The following NBEAL2 variants were observed in gnomAD, a reference collection of about 807,000 sequenced individuals.
NBEAL2 encodes the protein neurobeachin-like protein 2.
A neutral mutation model predicts 299.8 loss-of-function variants in NBEAL2; 160 were observed. The ratio of observed to expected loss-of-function variants is 0.53; its 90% CI spans 0.47 to 0.61. The LOEUF (loss-of-function observed/expected upper bound fraction) is 0.61, where lower values mean the gene tolerates loss of function less well. Ranked by LOEUF, NBEAL2 falls within the 20% of genes least tolerant of loss-of-function variation. NBEAL2 has a pLI of 0.00. For missense variants in NBEAL2, 3,112 were observed against 3,649.0 expected, an observed-to-expected ratio of 0.85 and a Z score of 3.79; for synonymous variants, 1,493 against 1,542.3, an observed-to-expected ratio of 0.97 and a Z score of 0.75.
At chr3:46,994,189 C>T (rs984550896) in intron 11 of NBEAL2, among the ~76,000 whole-genome samples, 169 bp downstream of exon 11, 7 of 152,182 alleles carry the variant, frequency 4.6e-5, no homozygotes, top group Non-Finnish European at 1.0e-4. Context: ...GGTGTGGTCG[C>T]CAGTCTGTCC....
Position 46,982,943 on chromosome 3 carries a change from C to T in NBEAL2, c.51+3031C>T, listed in dbSNP as rs1200058724. ...CTGACAGGCTGGCGGTTGGGCAGCC[C>T]ATAAAAGTTAATGCCACATAGCATG... On this transcript the variant is annotated intron_variant, in intron 1 of 53. Coordinates refer to ENST00000450053, the MANE Select transcript of NBEAL2 (RefSeq NM_015175.3). The surrounding 1 kb of genome is among the most constrained non-coding windows in gnomAD (Gnocchi z 4.2). Among the ~76,000 whole-genome samples, 2 of 152,082 alleles carry T rather than the reference C, an allele frequency of 1.3e-5. No individual in the cohort carries two copies. Among genetic ancestry groups the T allele is most frequent in the African/African-American group, 2.4e-5 (1 of 41,396 alleles).
rs1329635129 is a variant in NBEAL2 at position 46,992,510 on chromosome 3, C to G, written c.1068C>G (p.Asp356Glu). ...AGTCCCGGGCGCCCCCCGAGGGGGA[C>G]AGTGACCTGGCTACCCGGTTACTGA... ...YLQSRAPPEG[D>E]SDLATRLLTE... is the part of the protein sequence containing the mutation. The change falls in exon 10 of 54, where the codon GAC becomes GAG. Residue 356 changes from aspartate to glutamate, a missense_variant. Asp to Glu is a conservative substitution (Grantham distance 45). Coordinates refer to ENST00000450053, the MANE Select transcript of NBEAL2 (RefSeq NM_015175.3). The G allele has an allele frequency of 6.2e-7, 1 of 1,606,196 alleles. No individual in the cohort carries two copies. Among genetic ancestry groups the G allele is most frequent in the Non-Finnish European group, 8.5e-7 (1 of 1,176,836 alleles).
intron 53 of NBEAL2, 42 bp downstream of exon 53, chr3:47,009,166 G>A: frequency 7.1e-6 from 11 of 1,552,432 alleles, no homozygotes; most frequent in African/African-American, 1.4e-5. Context: ...CGAACGGGGC[G>A]GGGCGTGGCG....
chr3:47,004,633 C>T lies in NBEAL2; in HGVS notation c.6294+43C>T, dbSNP rs1431779930. ...CACCCCTCCACCCCTGCCCCTCTGA[C>T]CTGTCAGCCCTTGGTTCCCCCAAGT... is the stretch of plus-strand genomic sequence containing the variant. On this transcript the variant is annotated intron_variant, in intron 38 of 53. Coordinates refer to ENST00000450053, the MANE Select transcript of NBEAL2 (RefSeq NM_015175.3). The surrounding 1 kb of genome is among the most constrained non-coding windows in gnomAD (Gnocchi z 5.0). 1.9e-6 allele frequency: 3 copies of T among 1,580,070 alleles called. No homozygotes were observed. The highest frequency in any genetic ancestry group is 1.3e-5 in the African/African-American group (1 of 74,222).
intron 26 of NBEAL2, 86 bp downstream of exon 26, chr3:46,999,801 C>G (rs2036820833): frequency 1.3e-6 from 2 of 1,591,258 alleles, no homozygotes; most frequent in Non-Finnish European, 1.7e-6. Context: ...CATGAGGGGT[C>G]TCTGGAGCCC....
chr3:46,999,791 C>T lies in NBEAL2; in HGVS notation c.3789+76C>T, dbSNP rs998843581. On this transcript the variant is annotated intron_variant, in intron 26 of 53. Coordinates refer to ENST00000450053, the MANE Select transcript of NBEAL2 (RefSeq NM_015175.3). ...CTCTGGCCTTCCACCTTGCCTGTCT[C>T]ATGAGGGGTCTCTGGAGCCCTCCTC... 21 of 1,591,244 alleles carry T rather than the reference C, an allele frequency of 1.3e-5. No individual in the cohort carries two copies. The African/African-American group carries it at 2.6e-4, about 19-fold the overall frequency.
chr3:46,999,122 A>G lies in NBEAL2; in HGVS notation c.3543+5A>G. On this transcript the variant is annotated splice_donor_5th_base_variant and intron_variant, in intron 24 of 53. Transcript: ENST00000450053. The stretch of plus-strand genomic sequence containing the variant: ...CTGCCCGATCGAGTCTGCAAGGTAC[A>G]CCCAGCCCACCCCCTCCCCTGGCAT... 6.4e-7 allele frequency: 1 copy of G among 1,563,266 alleles called. No homozygotes were observed. Among genetic ancestry groups the G allele is most frequent in the Middle Eastern group, 1.7e-4 (1 of 5,784 alleles).
chr3:46,986,198 A>C (rs1467899881), intron 1 of NBEAL2, among the ~76,000 whole-genome samples: 1 of 152,152 alleles, frequency 6.6e-6, no homozygotes, highest in East Asian at 1.9e-4. Context: ...AGCTCAGCCC[A>C]ATCTGCTGAA....
chr3:47,007,830 C>T lies in NBEAL2; in HGVS notation c.7522C>T (p.Leu2508Phe). 6.2e-7 allele frequency: 1 copy of T among 1,613,508 alleles called. No individual in the cohort carries two copies. Residue 2508 changes from leucine (L) to phenylalanine (F), a missense_variant, in exon 49 of 54, where the codon CTT becomes TTT. Physicochemically the swap from Leu to Phe is conservative, Grantham distance 22 (BLOSUM62 0). Coordinates refer to ENST00000450053, the MANE Select transcript of NBEAL2 (RefSeq NM_015175.3). ...TTCCCATGCAGATGTAGTAACCTGC[C>T]TTGCACTGGACACCTGTGGCATCTA... Reference protein sequence around the residue: ...LSCHLDVVTCLALDTCGIYLI... With the variant: ...LSCHLDVVTCFALDTCGIYLI...
rs1456650570 is a variant in NBEAL2, at chr3:46,999,350, T to C, written c.3579T>C (p.Pro1193=). The part of the protein sequence containing the change: ...LRRLQQNERL[P]ERSRQRLRLR... ...GACTGCAGCAGAATGAGCGGCTACC[T>C]GAGCGGAGCCGCCAGCGCCTCCGGC... is the stretch of plus-strand genomic sequence containing the variant. Residue 1193 remains proline (P), a synonymous_variant, in exon 25 of 54, where the codon CCT becomes CCC. Coordinates refer to ENST00000450053, the MANE Select transcript of NBEAL2 (RefSeq NM_015175.3). The C allele has an allele frequency of 1.2e-6, 2 of 1,610,832 alleles. No individual in the cohort carries two copies. The highest frequency in any genetic ancestry group is 1.7e-6 in the Non-Finnish European group (2 of 1,179,282).
At position 46,994,492 on chromosome 3, in the gene NBEAL2, A is replaced by G; in HGVS notation, c.1235A>G (p.Gln412Arg). ...FKERIGYPHL[Q>R]EVLQSHGPPT... ...GAGCGCATCGGCTACCCTCACCTGC[A>G]GGAGGTTCTGCAGAGCCATGGTCCC... Residue 412 changes from glutamine to arginine, a missense_variant, in exon 12 of 54, where the codon CAG becomes CGG. Transcript: ENST00000450053. 6.3e-7 allele frequency: 1 copy of G among 1,596,452 alleles called. No homozygotes were observed. Among genetic ancestry groups the G allele is most frequent in the South Asian group, 1.1e-5 (1 of 88,444 alleles).
At position 47,007,808 on chromosome 3, in the gene NBEAL2, C is replaced by T; in HGVS notation, c.7508-8C>T. ...CCGTTCTGCCTGTACCCTCCCCTTC[C>T]CATGCAGATGTAGTAACCTGCCTTG... On this transcript the variant is annotated splice_region_variant and splice_polypyrimidine_tract_variant and intron_variant, in intron 48 of 53. Coordinates refer to ENST00000450053, the MANE Select transcript of NBEAL2 (RefSeq NM_015175.3). The T allele has an allele frequency of 6.2e-7, 1 of 1,612,658 alleles. No homozygotes were observed. The highest frequency in any genetic ancestry group is 1.7e-5 in the Admixed American group (1 of 59,916).
At position 46,988,561 on chromosome 3, in the gene NBEAL2, C is replaced by A; in HGVS notation, c.52-108C>A. 1.0e-6 allele frequency: 1 copy of A among 955,506 alleles called. No individual in the cohort carries two copies. The allele number at this position is 955,506 out of a possible 1,614,324, so 59.2% of individuals were successfully genotyped here. On this transcript the variant is annotated intron_variant, in intron 1 of 53. Transcript: ENST00000450053. This position sits in a 1 kb window ranked among gnomAD's most constrained non-coding sequence, Gnocchi z 4.4. ...CTGCCTTTAACCCCTTGTCCATGCC[C>A]TCTGTCCACCTCCATTCATTCTTCG... is the stretch of plus-strand genomic sequence containing the variant.
In NBEAL2 at chr3:46,988,143, G is replaced by GT; in HGVS notation, c.52-525dup. 9.4e-7 allele frequency: 1 copy of GT among 1,067,516 alleles called. No homozygotes were observed. Among genetic ancestry groups the GT allele is most frequent in the South Asian group, 1.6e-5 (1 of 62,250 alleles). 66.1% of individuals were successfully genotyped at this position (1,067,516 alleles called of 1,614,324 possible). A position where few individuals can be genotyped will look rare whatever the true frequency, so the allele number is the denominator to read the frequency against. On this transcript the variant is annotated intron_variant, in intron 1 of 53. Coordinates refer to ENST00000450053, the MANE Select transcript of NBEAL2 (RefSeq NM_015175.3). The surrounding 1 kb of genome is among the most constrained non-coding windows in gnomAD (Gnocchi z 4.4). ...GGGCCGCACATGAGGATGTGCGCAT[G>GT]TCTGGGTCTGCCTGTCTAATGGTAC...
At chr3:46,998,903 G>A (rs748164899) in intron 23 of NBEAL2, 24 bp downstream of exon 23, 1 of 1,597,656 alleles carries the variant, frequency 6.3e-7, no homozygotes, top group South Asian at 1.1e-5. Flanking sequence ...TGGGGAGCGG[G>A]AGGCTTGGGT....
At position 46,996,446 on chromosome 3, in the gene NBEAL2, T is replaced by G; in HGVS notation, c.2327T>G (p.Leu776Arg). 1 of 1,607,658 alleles carries G rather than the reference T, an allele frequency of 6.2e-7. No homozygotes were observed. Among genetic ancestry groups the G allele is most frequent in the Non-Finnish European group, 8.5e-7 (1 of 1,177,286 alleles). ...TGGGGGTCCGGGCTGGTGGCCCCCCTGCAGGAGGGCAGCATCGACTCTACC... is the reference window on the plus strand; with the variant it reads ...TGGGGGTCCGGGCTGGTGGCCCCCCGGCAGGAGGGCAGCATCGACTCTACC... The part of the protein sequence containing the change: ...LGWGSGLVAP[L>R]QEGSIDSTLA... Residue 776 changes from leucine to arginine, a missense_variant, in exon 16 of 54, where the codon CTG becomes CGG. Physicochemically the swap from Leu to Arg is moderately radical, Grantham distance 102 (BLOSUM62 -2). This residue lies in a region of NBEAL2 where 2,243 missense variants were observed against 2,538.1 expected (regional missense o/e 0.88). Coordinates refer to ENST00000450053, the MANE Select transcript of NBEAL2 (RefSeq NM_015175.3).
chr3:46,992,891 A>G (rs930534011), intron 10 of NBEAL2, among the ~76,000 whole-genome samples: 1 of 152,192 alleles, frequency 6.6e-6, no homozygotes, highest in Non-Finnish European at 1.5e-5. Flanking sequence ...TCACAGAGAA[A>G]GGGGTCTCCC....
Position 47,006,444 on chromosome 3 carries a change from G to T in NBEAL2, c.7129G>T (p.Ala2377Ser). Residue 2377 changes from alanine to serine, a missense_variant, in exon 45 of 54, where the codon GCA (alanine) becomes TCA (serine). This residue lies in a region of NBEAL2 where 521 missense variants were observed against 729.6 expected (regional missense o/e 0.71). Transcript: ENST00000450053. ...QHLDELKAFF[A>S]EVVSDGVPLV... is the part of the protein sequence containing the mutation. The stretch of plus-strand genomic sequence containing the variant: ...CCTGGACGAACTCAAGGCATTCTTC[G>T]CAGAGGTGAAAGGAAGACAAGACCT... 1 of 1,575,882 alleles carries T rather than the reference G, an allele frequency of 6.3e-7. No individual in the cohort carries two copies. The highest frequency in any genetic ancestry group is 1.8e-5 in the Admixed American group (1 of 54,136).
rs1559596458 is a variant in NBEAL2, at chr3:46,995,856, C to T, written c.2031+10C>T. Reference sequence around the variant, plus strand: ...TGCCGACTCTGCCTGGGTGAGACCCCATCCTTCTCATGTGGCCCAGTAGAG... The same window carrying T: ...TGCCGACTCTGCCTGGGTGAGACCCTATCCTTCTCATGTGGCCCAGTAGAG... On this transcript the variant is annotated intron_variant, in intron 14 of 53. Transcript: ENST00000450053. The T allele has an allele frequency of 6.2e-7, 1 of 1,613,778 alleles. No homozygotes were observed. The highest frequency in any genetic ancestry group is 1.3e-5 in the African/African-American group (1 of 75,048).
Sources: allele counts gnomAD v4.1 joint callset (sites outside exome capture counted in the v4.1 genomes callset), GRCh38; gene constraint gnomAD v4.1.1; regional missense constraint gnomAD v4.1.1; non-coding constraint Gnocchi (gnomAD v3.1); transcripts MANE v1.5; gene names NCBI Gene and HGNC (gene_info 2026-07-23, HGNC 2026-07-21).